PBX3: variants seen among roughly 807,000 people sequenced by gnomAD.
PBX3 encodes the protein PBX homeobox 3, also known as pre-B-cell leukemia transcription factor 3.
In PBX3, 14 loss-of-function variants were observed where a neutral mutation model predicts 48.5. The ratio of observed to expected loss-of-function variants is 0.29; its 90% CI spans 0.19 to 0.45. The LOEUF is 0.45. PBX3 is among the 20% of genes least tolerant of loss of function. PBX3 has a pLI of 1.00. For missense variants in PBX3, 386 were observed against 546.7 expected, an observed-to-expected ratio of 0.71 and a Z score of 2.93; for synonymous variants, 210 against 200.3, an observed-to-expected ratio of 1.05 and a Z score of -0.41.
intron 2 of PBX3, among the ~76,000 whole-genome samples, chr9:125,897,954 A>G (rs1281315484): frequency 1.3e-5 from 2 of 151,904 alleles, no homozygotes; most frequent in Non-Finnish European, 2.9e-5. Context: ...TAATTGAAGA[A>G]TTACCCAATA....
intron 3 of PBX3, among the ~76,000 whole-genome samples, chr9:125,916,216 C>G (rs1841330420): frequency 6.6e-6 from 1 of 152,170 alleles, no homozygotes; most frequent in African/African-American, 2.4e-5. Context: ...TCCCTCTCAC[C>G]TCACCACTTG....
chr9:125,847,178 G>A (rs948102169), intron 2 of PBX3, among the ~76,000 whole-genome samples: 5 of 151,870 alleles, frequency 3.3e-5, no homozygotes, highest in East Asian at 1.9e-4. Flanking sequence ...TAATGTTGGC[G>A]GCTATTGGTG....
chr9:125,950,482 C>CTG (rs1554732846), intron 5 of PBX3, among the ~76,000 whole-genome samples: 1 of 143,314 alleles, frequency 7.0e-6, no homozygotes, highest in Non-Finnish European at 1.5e-5. Context: ...TTTGCAACTT[C>CTG]TTTTTTTTTT....
chr9:125,786,614 G>A (rs1176022107), intron 2 of PBX3, among the ~76,000 whole-genome samples: 1 of 152,172 alleles, frequency 6.6e-6, no homozygotes, highest in African/African-American at 2.4e-5. Flanking sequence ...GAGTCTTAGA[G>A]GAGAACAGAG....
intron 2 of PBX3, chr9:125,844,879 C>T (rs940875163): frequency 6.6e-6 from 1 of 152,076 alleles, no homozygotes; most frequent in Non-Finnish European, 1.5e-5. Flanking sequence ...CTGTACCATT[C>T]GCTGAACCAT....
chr9:125,950,314 A>G (rs1339300998), intron 5 of PBX3, among the ~76,000 whole-genome samples: 1 of 152,178 alleles, frequency 6.6e-6, no homozygotes, highest in Non-Finnish European at 1.5e-5. Flanking sequence ...ATGGCAATAA[A>G]ATTTTTCACA....
chr9:125,931,829 A>C (rs1301990430), intron 4 of PBX3, among the ~76,000 whole-genome samples: 3 of 152,316 alleles, frequency 2.0e-5, no homozygotes, highest in East Asian at 3.9e-4. Context: ...AGTCAAGGGG[A>C]GAGAAAATGG....
At chr9:125,964,835 T>C (rs1564194625) in intron 8 of PBX3, among the ~76,000 whole-genome samples, 1 of 152,190 alleles carries the variant, frequency 6.6e-6, no homozygotes, top group East Asian at 1.9e-4. Context: ...TGGATGGACT[T>C]GCAGAGGAAG....
At chr9:125,771,309 A>C (rs1836935855) in intron 2 of PBX3, among the ~76,000 whole-genome samples, 1 of 152,190 alleles carries the variant, frequency 6.6e-6, no homozygotes, top group South Asian at 2.1e-4. Flanking sequence ...GTAAACTTTA[A>C]CTGCTTGTAG....
intron 1 of PBX3, 103 bp downstream of exon 1, chr9:125,747,756 G>C (rs1489745942): frequency 1.8e-5 from 15 of 854,844 alleles, no homozygotes; most frequent in Non-Finnish European, 2.5e-5. Context: ...CGCAGCCCCC[G>C]GCGGGGAACT....
At chr9:125,800,721 A>G (rs1837915216) in intron 2 of PBX3, among the ~76,000 whole-genome samples, 1 of 151,150 alleles carries the variant, frequency 6.6e-6, no homozygotes, top group Non-Finnish European at 1.5e-5. Context: ...AGGTTTTAGG[A>G]GGAACACTAA....
At chr9:125,930,468 C>T (rs1019501214) in intron 4 of PBX3, among the ~76,000 whole-genome samples, 6 of 152,082 alleles carry the variant, frequency 3.9e-5, no homozygotes, top group Non-Finnish European at 8.8e-5. Context: ...GAATTGTCAA[C>T]GTCATAGTGT....
intron 2 of PBX3, among the ~76,000 whole-genome samples, chr9:125,812,376 T>C (rs1838316352): frequency 6.6e-6 from 1 of 152,252 alleles, no homozygotes; most frequent in African/African-American, 2.4e-5. Context: ...TTTAACCATA[T>C]TTTCTTCAGA....
chr9:125,928,761 G>A (rs752913560), intron 3 of PBX3, among the ~76,000 whole-genome samples: 9 of 152,104 alleles, frequency 5.9e-5, no homozygotes, highest in African/African-American at 1.2e-4. Flanking sequence ...CACCGCGCCC[G>A]GCCTGAGGAT....
chr9:125,775,932 C>G (rs913731273), intron 2 of PBX3, among the ~76,000 whole-genome samples: 1 of 152,058 alleles, frequency 6.6e-6, no homozygotes, highest in Non-Finnish European at 1.5e-5. Flanking sequence ...TTCATTGTAC[C>G]AATCTTTCAC....
At chr9:125,937,855 T>C (rs1430802695) in intron 5 of PBX3, among the ~76,000 whole-genome samples, 4 of 152,086 alleles carry the variant, frequency 2.6e-5, no homozygotes, top group African/African-American at 9.7e-5. Context: ...CAGACAGGGA[T>C]TCACCCTGTT....
At chr9:125,819,309 A>C (rs1838575426) in intron 2 of PBX3, among the ~76,000 whole-genome samples, 1 of 151,918 alleles carries the variant, frequency 6.6e-6, no homozygotes, top group Admixed American at 6.6e-5. Flanking sequence ...TGGGCGGATC[A>C]CCTGAGGTGG....
intron 3 of PBX3, among the ~76,000 whole-genome samples, chr9:125,929,006 TTGCAACATAC>T (rs1404042926): frequency 3.3e-5 from 5 of 152,248 alleles, no homozygotes; most frequent in Non-Finnish European, 7.3e-5. Context: ...TTCTCTGAAC[TTGCAACATAC>T]TGTTATTTCT....
At chr9:125,863,399 A>G (rs1839909137) in intron 2 of PBX3, among the ~76,000 whole-genome samples, 1 of 151,402 alleles carries the variant, frequency 6.6e-6, no homozygotes, top group African/African-American at 2.4e-5. Context: ...TTTAGTAGAG[A>G]TGGGGTTTCA....
Sources: gnomAD v4.1 joint callset for allele counts (sites outside exome capture counted in the v4.1 genomes callset) on GRCh38, gnomAD v4.1.1 for gene constraint, MANE v1.5 for transcripts, NCBI Gene and HGNC (gene_info 2026-07-23, HGNC 2026-07-21) for gene names.